The following PRKD1 variants were observed in gnomAD, a reference collection of about 807,000 sequenced individuals.
PRKD1 encodes protein kinase D1.
A neutral mutation model predicts 95.9 loss-of-function variants in PRKD1; 63 were observed. The observed-to-expected ratio is 0.66, with a 90% CI of 0.54 to 0.81. PRKD1 has a LOEUF of 0.81. Among genes scored for constraint, PRKD1 ranks in the 30% least tolerant of loss-of-function variants. The probability of loss-of-function intolerance (pLI) is 0.00; values close to 1 mark genes in which losing one functional copy is unlikely to be tolerated. For synonymous variants in PRKD1, 425 were observed against 423.1 expected (o/e 1.00, Z -0.05); for missense variants, 1,048 against 1,165.3 (o/e 0.90, Z 1.47).
At chr14:29,600,710 G>A (rs745868907) in intron 13 of PRKD1, among the ~76,000 whole-genome samples, 2 of 152,160 alleles carry the variant, frequency 1.3e-5, no homozygotes, top group African/African-American at 2.4e-5. Flanking sequence ...CCAAGGGACT[G>A]CTGTCTTTCC....
Position 29,577,174 on chromosome 14 carries a change from G to T in PRKD1, c.*64C>A, listed in dbSNP as rs1432054957. Reference sequence around the variant, plus strand: ...ATAATGGCAGTTCTGCAAGGCAAATGTTAAACCTGACCGTATGTATTTATT... The same window carrying T: ...ATAATGGCAGTTCTGCAAGGCAAATTTTAAACCTGACCGTATGTATTTATT... On this transcript the variant is annotated 3_prime_UTR_variant, in exon 18 of 18. Coordinates refer to ENST00000331968, the MANE Select transcript of PRKD1 (RefSeq NM_002742.3). 1 of 1,517,854 alleles carries T rather than the reference G, an allele frequency of 6.6e-7. No homozygotes were observed. Among genetic ancestry groups the T allele is most frequent in the Non-Finnish European group, 9.1e-7 (1 of 1,097,452 alleles). The allele number at this position is 1,517,854 out of a possible 1,614,324, so 94.0% of individuals were successfully genotyped here.
In PRKD1 at chr14:29,577,431, C is replaced by A; in HGVS notation, c.2546G>T (p.Arg849Leu). 1 of 1,613,688 alleles carries A rather than the reference C, an allele frequency of 6.2e-7. No homozygotes were observed. Among genetic ancestry groups the A allele is most frequent in the South Asian group, 1.1e-5 (1 of 91,070 alleles). ...LQDYQTWLDL[R>L]ELECKIGERY... is the part of the protein sequence containing the mutation. Reference sequence around the variant, plus strand: ...CTCCCCGATTTTGCATTCCAGCTCTCGCAAATCTAACCAGGTCTGATAGTC... The same window carrying A: ...CTCCCCGATTTTGCATTCCAGCTCTAGCAAATCTAACCAGGTCTGATAGTC... The change falls in exon 18 of 18, where the codon CGA (arginine) becomes CTA (leucine). Residue 849 changes from arginine (R) to leucine (L), a missense_variant. Arg to Leu is a moderately radical substitution (Grantham distance 102, BLOSUM62 -2). Coordinates refer to ENST00000331968, the MANE Select transcript of PRKD1 (RefSeq NM_002742.3).
chr14:29,729,725 T>A (rs980069655), intron 1 of PRKD1, among the ~76,000 whole-genome samples: 2 of 152,050 alleles, frequency 1.3e-5, no homozygotes, highest in African/African-American at 4.8e-5. Flanking sequence ...TAGATTCTTA[T>A]AGTGGAAGCT....
At chr14:29,763,428 A>AGGGGGAGGGAG (rs1463546326) in intron 1 of PRKD1, among the ~76,000 whole-genome samples, 3 of 69,018 alleles carry the variant, frequency 4.3e-5, no homozygotes, top group Non-Finnish European at 7.8e-5. Flanking sequence ...AGGGGAAGGG[A>AGGGGGAGGGAG]GGGGGAGGGA....
At chr14:29,586,602 T>C (rs1025359517) in intron 16 of PRKD1, among the ~76,000 whole-genome samples, 3 of 152,206 alleles carry the variant, frequency 2.0e-5, no homozygotes, top group African/African-American at 7.2e-5. Context: ...ATGTGTACTT[T>C]GTAATGAGGG....
chr14:29,829,787 T>C (rs1435346229), intron 1 of PRKD1, among the ~76,000 whole-genome samples: 1 of 152,252 alleles, frequency 6.6e-6, no homozygotes, highest in Non-Finnish European at 1.5e-5. Context: ...CTACTTTTTT[T>C]TCATTTCACT....
In PRKD1 at chr14:29,616,637, A is replaced by G. The variant is rs79814371; in HGVS notation, c.1905+7515T>C. ...TTTTATTAAACAATACAGATTTATT[A>G]CCTTACAGTCTGGGGATTAGAAAAC... On this transcript the variant is annotated intron_variant, in intron 13 of 17. Coordinates refer to ENST00000331968, the MANE Select transcript of PRKD1 (RefSeq NM_002742.3). 6.4e-3 allele frequency among the ~76,000 whole-genome samples: 978 copies of G among 152,168 alleles called. 23 individuals carry two copies. The highest frequency in any genetic ancestry group is 0.022 in the African/African-American group (910 of 41,534).
intron 2 of PRKD1, among the ~76,000 whole-genome samples, chr14:29,707,162 G>A (rs532791502): frequency 1.6e-4 from 24 of 152,222 alleles, no homozygotes; most frequent in Admixed American, 1.4e-3. Flanking sequence ...AATGTAGGAG[G>A]ATTTAGCCTT....
At chr14:29,658,530 A>C (rs1438927533) in intron 4 of PRKD1, among the ~76,000 whole-genome samples, 1 of 152,124 alleles carries the variant, frequency 6.6e-6, no homozygotes, top group Non-Finnish European at 1.5e-5. Flanking sequence ...TTTTAAGAAA[A>C]ACTTTAAGAA....
chr14:29,810,174 C>T (rs947324081), intron 1 of PRKD1, among the ~76,000 whole-genome samples: 5 of 152,060 alleles, frequency 3.3e-5, no homozygotes, highest in African/African-American at 7.2e-5. Flanking sequence ...CACAGATCAC[C>T]ATAAAAATAT....
At chr14:29,894,430 C>G (rs1175727792) in intron 1 of PRKD1, among the ~76,000 whole-genome samples, 1 of 152,196 alleles carries the variant, frequency 6.6e-6, no homozygotes, top group African/African-American at 2.4e-5. Flanking sequence ...GGGTTGTATT[C>G]TGTATCCTCT....
At chr14:29,823,169 C>T (rs1890983611) in intron 1 of PRKD1, among the ~76,000 whole-genome samples, 1 of 152,146 alleles carries the variant, frequency 6.6e-6, no homozygotes, top group South Asian at 2.1e-4. Flanking sequence ...TAGGCACTCA[C>T]TTTCTCCTTG....
At chr14:29,919,265 T>G (rs1017703788) in intron 1 of PRKD1, among the ~76,000 whole-genome samples, 2 of 152,228 alleles carry the variant, frequency 1.3e-5, no homozygotes, top group African/African-American at 2.4e-5. Flanking sequence ...AAATAAAACC[T>G]TTCATAACTT....
chr14:29,591,473 G>C (rs1893127132), intron 16 of PRKD1, among the ~76,000 whole-genome samples: 1 of 152,054 alleles, frequency 6.6e-6, no homozygotes, highest in Admixed American at 6.5e-5. Flanking sequence ...GGTTTTGAAA[G>C]GGCAGTCCAT....
chr14:29,600,698 T>C (rs1893484970), intron 13 of PRKD1, among the ~76,000 whole-genome samples: 1 of 152,188 alleles, frequency 6.6e-6, no homozygotes, highest in Admixed American at 6.5e-5. Context: ...CCCATGCGGA[T>C]ACCAAGGGAC....
chr14:29,633,214 G>A (rs1395285894), intron 8 of PRKD1, among the ~76,000 whole-genome samples: 2 of 152,276 alleles, frequency 1.3e-5, no homozygotes, highest in African/African-American at 4.8e-5. Flanking sequence ...CATTTAGAAA[G>A]TGCATAGTAA....
chr14:29,866,952 T>A (rs1892929798), intron 1 of PRKD1, among the ~76,000 whole-genome samples: 1 of 152,292 alleles, frequency 6.6e-6, no homozygotes, highest in South Asian at 2.1e-4. Context: ...AATCTAACAA[T>A]CCTCACTTCC....
intron 1 of PRKD1, among the ~76,000 whole-genome samples, chr14:29,895,631 A>G (rs971653149): frequency 2.0e-5 from 3 of 151,276 alleles, no homozygotes; most frequent in Admixed American, 6.6e-5. Flanking sequence ...TCTGACTTTC[A>G]CCTCTCTTAT....
intron 1 of PRKD1, among the ~76,000 whole-genome samples, chr14:29,728,730 C>A (rs970182648): frequency 6.6e-6 from 1 of 152,096 alleles, no homozygotes; most frequent in Non-Finnish European, 1.5e-5. Flanking sequence ...AATAAAAATG[C>A]AATGAACATT....
Sources: allele counts gnomAD v4.1 joint callset (sites outside exome capture counted in the v4.1 genomes callset), GRCh38; gene constraint gnomAD v4.1.1; transcripts MANE v1.5; gene names NCBI Gene and HGNC (gene_info 2026-07-23, HGNC 2026-07-21).